Variants in PPIL4 observed in about 807,000 individuals in gnomAD.
PPIL4 encodes peptidylprolyl isomerase like 4.
Under a neutral mutation model 69.1 loss-of-function variants are expected in PPIL4, and 50 were observed. The observed-to-expected ratio is 0.72, with a 90% CI of 0.58 to 0.92. The LOEUF (loss-of-function observed/expected upper bound fraction) is 0.92, where lower values mean the gene tolerates loss of function less well. PPIL4 is among the 40% of genes least tolerant of loss of function. The pLI is 0.00. For synonymous variants in PPIL4, 193 were observed against 191.6 expected (o/e 1.01, Z -0.06); for missense variants, 480 against 587.9 (o/e 0.82, Z 1.90).
chr6:149,505,062 C>T lies in PPIL4; in HGVS notation c.*391G>A. On this transcript the variant is annotated 3_prime_UTR_variant, in exon 13 of 13. Coordinates refer to ENST00000253329, the MANE Select transcript of PPIL4 (RefSeq NM_139126.4). ...AAATAATTATTTGAGAGGGAGAGGG[C>T]CTTAGGGAACTTCTAAAATGTCGAC... The T allele has an allele frequency of 6.4e-6, 1 of 155,998 alleles. No homozygotes were observed. The highest frequency in any genetic ancestry group is 1.4e-5 in the Non-Finnish European group (1 of 70,892). The allele number at this position is 155,998 out of a possible 1,614,324, so 9.7% of individuals were successfully genotyped here.
At chr6:149,509,006 G>A (rs1001731036) in intron 12 of PPIL4, among the ~76,000 whole-genome samples, 3 of 151,834 alleles carry the variant, frequency 2.0e-5, no homozygotes, top group Non-Finnish European at 2.9e-5. Context: ...ATAAAAAATC[G>A]GGGGGCCATT....
intron 4 of PPIL4, among the ~76,000 whole-genome samples, chr6:149,537,057 C>T (rs537588031): frequency 1.4e-4 from 21 of 149,892 alleles, no homozygotes; most frequent in African/African-American, 4.4e-4. Flanking sequence ...ACCCAGGAGG[C>T]GAAGGTTGCA....
chr6:149,513,412 AATATATAT>A lies in PPIL4; in HGVS notation c.1080-1118_1080-1111del, dbSNP rs1200919281. Among the ~76,000 whole-genome samples the A allele has an allele frequency of 3.9e-3, 214 of 55,302 alleles. 6 individuals carry two copies. The highest frequency in any genetic ancestry group is 0.033 in the Middle Eastern group (2 of 60). The allele number at this position is 55,302 out of a possible 152,430, so 36.3% of individuals were successfully genotyped here. On this transcript the variant is annotated intron_variant, in intron 11 of 12. Transcript: ENST00000253329. Reference sequence around the variant, plus strand: ...AAAAAAAAAAAAAAAAAAAAAAAAAAATATATATATATATATATATATATATACATATA... The same window carrying A: ...AAAAAAAAAAAAAAAAAAAAAAAAAAATATATATATATATATATACATATA...
rs1777229701 is a variant in PPIL4, at chr6:149,533,516, T to C, written c.620A>G (p.Glu207Gly). ...TTTTTCTGCCTTTATTTCTTCTACT[T>C]CCTCAGCTGATCTTCCTTTGAAATC... The part of the protein sequence containing the change: ...IDDFKGRSAE[E>G]VEEIKAEKEA... The change falls in exon 7 of 13, where the codon GAA becomes GGA. Residue 207 changes from glutamate to glycine, a missense_variant. By Grantham distance (98) the Glu-to-Gly change is moderately conservative (BLOSUM62 -2). Coordinates refer to ENST00000253329, the MANE Select transcript of PPIL4 (RefSeq NM_139126.4). 4 of 1,612,956 alleles carry C rather than the reference T, an allele frequency of 2.5e-6. No homozygotes were observed. In the East Asian group the frequency reaches 8.9e-5, roughly 36 times the overall value.
intron 7 of PPIL4, among the ~76,000 whole-genome samples, chr6:149,531,221 T>G (rs1290720513): frequency 6.6e-6 from 1 of 151,754 alleles, no homozygotes; most frequent in Non-Finnish European, 1.5e-5. Flanking sequence ...AAAAATTAGC[T>G]GGATGTGGTG....
At chr6:149,541,107 T>C (rs1333980832) in intron 3 of PPIL4, 48 bp from the exon 4 acceptor site, 3 of 1,049,282 alleles carry the variant, frequency 2.9e-6, no homozygotes, top group African/African-American at 3.1e-5. Flanking sequence ...CAAAATGAAA[T>C]ACAGAAGTAC....
At chr6:149,521,874 C>G (rs1188155353) in intron 9 of PPIL4, among the ~76,000 whole-genome samples, 5 of 152,318 alleles carry the variant, frequency 3.3e-5, no homozygotes, top group African/African-American at 1.2e-4. Context: ...CTGTCAGTAA[C>G]TTCACAATTC....
intron 4 of PPIL4, among the ~76,000 whole-genome samples, chr6:149,538,159 A>G (rs1470184790): frequency 6.6e-6 from 1 of 152,112 alleles, no homozygotes; most frequent in Non-Finnish European, 1.5e-5. Context: ...CCAGCTACTC[A>G]GAAGGCTGAG....
intron 5 of PPIL4, 117 bp from the exon 6 acceptor site, chr6:149,534,891 T>C: frequency 1.7e-6 from 1 of 585,244 alleles, no homozygotes; most frequent in Non-Finnish European, 3.0e-6. Flanking sequence ...AAAACCCATA[T>C]TGCATATGGA....
chr6:149,505,879 G>A (rs938490570), intron 12 of PPIL4, among the ~76,000 whole-genome samples, 175 bp from the exon 13 acceptor site: 1 of 152,132 alleles, frequency 6.6e-6, no homozygotes, highest in Admixed American at 6.5e-5. Flanking sequence ...AAATAATTCA[G>A]AAAAAGGTTT....
At chr6:149,512,086 A>G (rs1776853114) in intron 12 of PPIL4, 69 bp downstream of exon 12, 16 of 1,295,408 alleles carry the variant, frequency 1.2e-5, no homozygotes, top group Admixed American at 2.3e-5. Context: ...AAATTATATC[A>G]CTAAGACATC....
chr6:149,522,126 A>C (rs530533670), intron 9 of PPIL4, among the ~76,000 whole-genome samples: 1 of 152,344 alleles, frequency 6.6e-6, no homozygotes, highest in African/African-American at 2.4e-5. Flanking sequence ...ATGGTATCTA[A>C]AACGTAGGCA....
chr6:149,534,919 T>C, intron 5 of PPIL4, 145 bp from the exon 6 acceptor site: 1 of 521,546 alleles, frequency 1.9e-6, no homozygotes, highest in Non-Finnish European at 3.3e-6. Context: ...AACCTAGATA[T>C]ACTTTCACAA....
intron 7 of PPIL4, among the ~76,000 whole-genome samples, chr6:149,531,930 A>G (rs1777206114): frequency 6.6e-6 from 1 of 152,200 alleles, no homozygotes; most frequent in Admixed American, 6.5e-5. Context: ...GGCCTCCCAA[A>G]GTGCTGGGAT....
intron 8 of PPIL4, 81 bp from the exon 9 acceptor site, chr6:149,525,290 G>T: frequency 1.5e-6 from 1 of 686,928 alleles, no homozygotes; most frequent in South Asian, 1.9e-5. Context: ...AACTGAAGAA[G>T]AAATAAGTCA....
chr6:149,513,739 A>G (rs1776896736), intron 11 of PPIL4, among the ~76,000 whole-genome samples: 2 of 152,152 alleles, frequency 1.3e-5, no homozygotes, highest in South Asian at 4.1e-4. Flanking sequence ...CTAGGTGATG[A>G]AGCTACGAGT....
In PPIL4 at chr6:149,513,385, C is replaced by CAA. The variant is rs1170985851; in HGVS notation, c.1080-1085_1080-1084dup. Among the ~76,000 whole-genome samples the CAA allele has an allele frequency of 9.9e-4, 41 of 41,550 alleles. 1 individual carries two copies. Among genetic ancestry groups the CAA allele is most frequent in the African/African-American group, 5.2e-3 (28 of 5,400 alleles). The allele number at this position is 41,550 out of a possible 152,430, so 27.3% of individuals were successfully genotyped here. A position where few individuals can be genotyped will look rare whatever the true frequency, so the allele number is the denominator to read the frequency against. On this transcript the variant is annotated intron_variant, in intron 11 of 12. Coordinates refer to ENST00000253329, the MANE Select transcript of PPIL4 (RefSeq NM_139126.4). ...GGGTGACAGAGCGGGGACTCAGTCT[C>CAA]AAAAAAAAAAAAAAAAAAAAAAAAA...
chr6:149,525,143 C>A lies in PPIL4; in HGVS notation c.870G>T (p.Lys290Asn). ...AACTTATGTCTGTATTATGACATAC[C>A]TTTTCAAATTCAATAAAAGCGTAAC... is the stretch of plus-strand genomic sequence containing the variant. ...SLCYAFIEFE[K>N]EEDCEKAFFK... The change falls in exon 9 of 13, where the codon AAG (lysine) becomes AAT (asparagine). Residue 290 changes from lysine to asparagine, a missense_variant and splice_region_variant. Physicochemically the swap from Lys to Asn is moderately conservative, Grantham distance 94. Transcript: ENST00000253329. The A allele has an allele frequency of 6.7e-7, 1 of 1,487,516 alleles. No individual in the cohort carries two copies. The highest frequency in any genetic ancestry group is 9.3e-7 in the Non-Finnish European group (1 of 1,079,016). 92.1% of individuals were successfully genotyped at this position (1,487,516 alleles called of 1,614,324 possible).
intron 7 of PPIL4, among the ~76,000 whole-genome samples, chr6:149,530,786 C>G (rs1777183923): frequency 6.6e-6 from 1 of 152,124 alleles, no homozygotes; most frequent in Non-Finnish European, 1.5e-5. Flanking sequence ...AGAGTCAAAA[C>G]TGGTGCAGTC....
Sources: gnomAD v4.1 joint callset for allele counts (sites outside exome capture counted in the v4.1 genomes callset) on GRCh38, gnomAD v4.1.1 for gene constraint, MANE v1.5 for transcripts, NCBI Gene and HGNC (gene_info 2026-07-23, HGNC 2026-07-21) for gene names.